HADHA: variants seen among roughly 807,000 people sequenced by gnomAD.
HADHA encodes the protein trifunctional enzyme subunit alpha, mitochondrial.
In HADHA, 59 loss-of-function variants were observed where a neutral mutation model predicts 91.3. The observed-to-expected ratio is 0.65, with a 90% CI of 0.52 to 0.80. The LOEUF is 0.80. Among genes scored for constraint, HADHA ranks in the 30% least tolerant of loss-of-function variants. The pLI is 0.00. For synonymous variants in HADHA, 320 were observed against 338.9 expected (o/e 0.94, Z 0.61); for missense variants, 800 against 927.6 (o/e 0.86, Z 1.79).
chr2:26,198,574 CAAG>C (rs1669745437), intron 13 of HADHA, among the ~76,000 whole-genome samples: 1 of 150,976 alleles, frequency 6.6e-6, no homozygotes. Flanking sequence ...AGATGAGAAT[CAAG>C]GAGGAAGACA....
chr2:26,190,664 C>T lies in HADHA; in HGVS notation c.*586G>A, dbSNP rs749568626. On this transcript the variant is annotated 3_prime_UTR_variant, in exon 20 of 20. Coordinates refer to ENST00000380649, the MANE Select transcript of HADHA (RefSeq NM_000182.5). ...GGCTGGGGAAAGAGGTTTAATATCC[C>T]GGTACACCGTGGTGAGAAGCCTGGG... 2.4e-4 allele frequency: 39 copies of T among 161,534 alleles called. No homozygotes were observed. The highest frequency in any genetic ancestry group is 4.0e-4 in the Admixed American group (7 of 17,292). 10.0% of individuals were successfully genotyped at this position (161,534 alleles called of 1,614,324 possible). A position where few individuals can be genotyped will look rare whatever the true frequency, so the allele number is the denominator to read the frequency against.
At position 26,193,616 on chromosome 2, in the gene HADHA, G is replaced by C; in HGVS notation, c.1846C>G (p.Pro616Ala). ...GACACCATCTGTGTCAGCAGTTCTG[G>C]GTTTCCACCTCCAAACCGCTCCCCA... is the stretch of plus-strand genomic sequence containing the variant. ...VFGERFGGGNPELLTQMVSKG... is the reference protein window; with the variant it reads ...VFGERFGGGNAELLTQMVSKG... The change falls in exon 17 of 20, where the codon CCA becomes GCA. Residue 616 changes from proline (P) to alanine (A), a missense_variant. By Grantham distance (27) the Pro-to-Ala change is conservative. Transcript: ENST00000380649. 1.9e-6 allele frequency: 3 copies of C among 1,613,904 alleles called. No individual in the cohort carries two copies. Among genetic ancestry groups the C allele is most frequent in the Non-Finnish European group, 2.5e-6 (3 of 1,179,898 alleles).
chr2:26,226,141 C>G (rs764245712), intron 7 of HADHA, among the ~76,000 whole-genome samples: 14 of 152,136 alleles, frequency 9.2e-5, no homozygotes, highest in Non-Finnish European at 1.5e-4. Context: ...GATCTATTCA[C>G]TGAAAAGTAC....
chr2:26,194,278 C>T (rs538639090), intron 16 of HADHA, among the ~76,000 whole-genome samples: 1 of 152,262 alleles, frequency 6.6e-6, no homozygotes, highest in South Asian at 2.1e-4. Flanking sequence ...CTGGATGGTC[C>T]CTGCCTCAGA....
Position 26,229,924 on chromosome 2 carries a change from T to A in HADHA, c.676+268A>T, listed in dbSNP as rs1287352417. Among the ~76,000 whole-genome samples, 1 of 152,050 alleles carries A rather than the reference T, an allele frequency of 6.6e-6. No homozygotes were observed. Among genetic ancestry groups the A allele is most frequent in the Non-Finnish European group, 1.5e-5 (1 of 68,000 alleles). On this transcript the variant is annotated intron_variant, in intron 7 of 19. Transcript: ENST00000380649. The surrounding 1 kb of genome is among the most constrained non-coding windows in gnomAD (Gnocchi z 4.3). ...TCACTGCAACCTCAGCCCCGCCAGGTTCAAGCGATCCTCCTGCCTCAGCCT... is the reference window on the plus strand; with the variant it reads ...TCACTGCAACCTCAGCCCCGCCAGGATCAAGCGATCCTCCTGCCTCAGCCT...
chr2:26,224,832 A>T (rs918084337), intron 7 of HADHA, among the ~76,000 whole-genome samples: 3 of 152,194 alleles, frequency 2.0e-5, no homozygotes, highest in Non-Finnish European at 4.4e-5. Flanking sequence ...ATTAACCTAG[A>T]TGTTACTATG....
At position 26,212,587 on chromosome 2, in the gene HADHA, A is replaced by G; in HGVS notation, c.958T>C (p.Tyr320His). The G allele has an allele frequency of 2.5e-6, 4 of 1,594,306 alleles. No individual in the cohort carries two copies. Among genetic ancestry groups the G allele is most frequent in the Non-Finnish European group, 3.4e-6 (4 of 1,161,812 alleles). Residue 320 changes from tyrosine to histidine, a missense_variant, in exon 10 of 20, where the codon TAT becomes CAT. Physicochemically the swap from Tyr to His is moderately conservative, Grantham distance 83 (BLOSUM62 2). Coordinates refer to ENST00000380649, the MANE Select transcript of HADHA (RefSeq NM_000182.5). ...TGIEQGSDAG[Y>H]LCESQKFGEL... ...AAGTTTACCTGAGATTCACAGAGATAACCGGCATCACTCCCTTGCTCAATT... is the reference window on the plus strand; with the variant it reads ...AAGTTTACCTGAGATTCACAGAGATGACCGGCATCACTCCCTTGCTCAATT...
chr2:26,194,178 T>C (rs1669593999), intron 16 of HADHA, among the ~76,000 whole-genome samples: 1 of 152,176 alleles, frequency 6.6e-6, no homozygotes, highest in South Asian at 2.1e-4. Context: ...ATCCCTCTCC[T>C]TTCCTGCCAG....
intron 6 of HADHA, among the ~76,000 whole-genome samples, chr2:26,231,687 C>T (rs1240056614): frequency 6.6e-6 from 1 of 152,080 alleles, no homozygotes; most frequent in African/African-American, 2.4e-5. Context: ...TGGAATTAGG[C>T]CAGGCATGGT....
chr2:26,201,030 C>A, intron 13 of HADHA, 119 bp downstream of exon 13: 1 of 806,042 alleles, frequency 1.2e-6, no homozygotes, highest in Non-Finnish European at 2.1e-6. Context: ...CCATGCCCAG[C>A]CTTTGAATAG....
At chr2:26,206,966 G>A (rs1669985499) in intron 11 of HADHA, among the ~76,000 whole-genome samples, 1 of 151,948 alleles carries the variant, frequency 6.6e-6, no homozygotes, top group African/African-American at 2.4e-5. Context: ...GGGAGGATGA[G>A]GCAGGAGGAC....
chr2:26,211,243 T>C lies in HADHA; in HGVS notation c.975+1327A>G, dbSNP rs1670093203. ...CTCAATTTTTCTGTACGTATGTTTA[T>C]GTGCACTTGGTTATATTTTTAAAAA... On this transcript the variant is annotated intron_variant, in intron 10 of 19. Coordinates refer to ENST00000380649, the MANE Select transcript of HADHA (RefSeq NM_000182.5). 2.0e-5 allele frequency among the ~76,000 whole-genome samples: 3 copies of C among 152,356 alleles called. No homozygotes were observed. In the South Asian group the frequency reaches 6.2e-4, roughly 32 times the overall value.
chr2:26,227,755 A>G (rs1670518486), intron 7 of HADHA, among the ~76,000 whole-genome samples: 1 of 151,740 alleles, frequency 6.6e-6, no homozygotes, highest in South Asian at 2.1e-4. Flanking sequence ...AGACTGCTTG[A>G]GCCCAGGAGT....
intron 7 of HADHA, among the ~76,000 whole-genome samples, chr2:26,218,264 C>T (rs903769130): frequency 1.3e-4 from 20 of 149,886 alleles, no homozygotes; most frequent in African/African-American, 5.0e-4. Context: ...TGTGCCACTG[C>T]ACTCCAGCCT....
At chr2:26,238,749 C>T (rs150055762) in intron 3 of HADHA, among the ~76,000 whole-genome samples, 185 bp downstream of exon 3, 148 of 152,286 alleles carry the variant, frequency 9.7e-4, no homozygotes, top group African/African-American at 3.5e-3. Context: ...ACGCAAGAAC[C>T]TCTGCTTTAG....
intron 10 of HADHA, chr2:26,212,315 G>A: frequency 4.2e-6 from 2 of 473,888 alleles, no homozygotes; most frequent in South Asian, 2.1e-5. Context: ...TTGAACTCCT[G>A]AGCTCAAACG....
rs895492215 is a variant in HADHA, at chr2:26,210,589, C to T, written c.976-700G>A. On this transcript the variant is annotated intron_variant, in intron 10 of 19. Coordinates refer to ENST00000380649, the MANE Select transcript of HADHA (RefSeq NM_000182.5). The surrounding 1 kb of genome is among the most constrained non-coding windows in gnomAD (Gnocchi z 4.0). ...TCGATCTCCTGACCTCGTGATCTGC[C>T]CGCCTTGGCCTTCCAAAGTGCTGGG... The T allele has an allele frequency of 1.3e-5, 2 of 152,660 alleles. No individual in the cohort carries two copies. Among genetic ancestry groups the T allele is most frequent in the Admixed American group, 1.3e-4 (2 of 15,298 alleles). 9.5% of individuals were successfully genotyped at this position (152,660 alleles called of 1,614,324 possible). A position where few individuals can be genotyped will look rare whatever the true frequency, so the allele number is the denominator to read the frequency against.
chr2:26,224,482 A>C (rs190306002), intron 7 of HADHA, among the ~76,000 whole-genome samples: 1 of 152,358 alleles, frequency 6.6e-6, no homozygotes, highest in African/African-American at 2.4e-5. Flanking sequence ...TAATTAACCA[A>C]ATATTTGTGT....
chr2:26,238,091 T>C (rs1342751914), intron 3 of HADHA, among the ~76,000 whole-genome samples: 1 of 152,222 alleles, frequency 6.6e-6, no homozygotes, highest in Non-Finnish European at 1.5e-5. Context: ...CACTGTAACC[T>C]TGAATTCCTA....
Sources: allele counts gnomAD v4.1 joint callset (sites outside exome capture counted in the v4.1 genomes callset), GRCh38; gene constraint gnomAD v4.1.1; non-coding constraint Gnocchi (gnomAD v3.1); transcripts MANE v1.5; gene names NCBI Gene and HGNC (gene_info 2026-07-23, HGNC 2026-07-21).